Variants in HMGCS2 observed in about 807,000 individuals in gnomAD.
HMGCS2 encodes hydroxymethylglutaryl-CoA synthase, mitochondrial.
HMGCS2 carries 50 observed loss-of-function variants against 57.4 expected under a neutral mutation model. The observed-to-expected ratio is 0.87, with a 90% CI of 0.69 to 1.10. The LOEUF is 1.10. HMGCS2 is among the 50% of genes least tolerant of loss of function. The probability of loss-of-function intolerance (pLI) is 0.00; values close to 1 mark genes in which losing one functional copy is unlikely to be tolerated. For synonymous variants in HMGCS2, 254 were observed against 245.1 expected, an observed-to-expected ratio of 1.04 and a Z score of -0.34; for missense variants, 627 against 636.5, an observed-to-expected ratio of 0.99 and a Z score of 0.16.
chr1:119,755,598 CT>C lies in HMGCS2; in HGVS notation c.1017-2del, dbSNP rs1553240165. The C allele has an allele frequency of 1.2e-6, 2 of 1,614,014 alleles. No individual in the cohort carries two copies. Among genetic ancestry groups the C allele is most frequent in the Non-Finnish European group, 1.7e-6 (2 of 1,179,972 alleles). The stretch of plus-strand genomic sequence containing the variant: ...GTAGGTGTCTTCCAGCTTTAGCCCC[CT>C]GTGAGGTAGCCAGAGGTAGCCATGT... On this transcript the variant is annotated splice_acceptor_variant, in intron 5 of 9. Transcript: ENST00000369406. LOFTEE classifies it high-confidence loss of function.
chr1:119,755,358 A>G (rs1398791429), intron 6 of HMGCS2, 69 bp downstream of exon 6: 6 of 1,471,164 alleles, frequency 4.1e-6, no homozygotes, highest in Non-Finnish European at 5.7e-6. Flanking sequence ...AACTTTGTTG[A>G]CCCTGCAGCC....
chr1:119,749,806 A>G (rs1652590826), intron 9 of HMGCS2, among the ~76,000 whole-genome samples: 1 of 151,900 alleles, frequency 6.6e-6, no homozygotes, highest in Non-Finnish European at 1.5e-5. Flanking sequence ...TTCCCTCTCC[A>G]TCTACCAAAA....
intron 5 of HMGCS2, among the ~76,000 whole-genome samples, chr1:119,755,897 G>GTATA (rs201606276): frequency 5.0e-5 from 1 of 20,004 alleles, no homozygotes; most frequent in Non-Finnish European, 1.3e-4. Flanking sequence ...GTGTGTGTGT[G>GTATA]TATATATATA....
At chr1:119,767,921 T>G (rs1653290588) in intron 1 of HMGCS2, among the ~76,000 whole-genome samples, 1 of 152,228 alleles carries the variant, frequency 6.6e-6, no homozygotes, top group Non-Finnish European at 1.5e-5. Context: ...GAAAGCTATG[T>G]GCATTTGCCT....
At chr1:119,761,800 CT>C (rs1285944579) in intron 2 of HMGCS2, among the ~76,000 whole-genome samples, 1 of 151,580 alleles carries the variant, frequency 6.6e-6, no homozygotes, top group Non-Finnish European at 1.5e-5. Context: ...AAAAGGCAAG[CT>C]ATATAATAAA....
chr1:119,767,287 G>C (rs1653263008), intron 1 of HMGCS2, among the ~76,000 whole-genome samples: 1 of 152,164 alleles, frequency 6.6e-6, no homozygotes, highest in African/African-American at 2.4e-5. Context: ...GATTTCAGTG[G>C]GTTGGAGGAT....
Position 119,757,343 on chromosome 1 carries a change from T to C in HMGCS2, c.946A>G (p.Met316Val), listed in dbSNP as rs587664208. 2.5e-6 allele frequency: 4 copies of C among 1,614,148 alleles called. No homozygotes were observed. In the East Asian group the frequency reaches 8.9e-5, roughly 36 times the overall value. Residue 316 changes from methionine to valine, a missense_variant, in exon 5 of 10, where the codon ATG becomes GTG. Met to Val is a conservative substitution (Grantham distance 21). Transcript: ENST00000369406. ...CTGGCTGACAGGAAGTCATTGAACA[T>C]CAGGCGAGCCAGAGACTTCTGGACC... ...KMVQKSLARL[M>V]FNDFLSASSD...
At chr1:119,756,510 A>G (rs1419282259) in intron 5 of HMGCS2, among the ~76,000 whole-genome samples, 1 of 152,202 alleles carries the variant, frequency 6.6e-6, no homozygotes, top group East Asian at 1.9e-4. Flanking sequence ...AACAGGGGCT[A>G]CACTTGGTAG....
At chr1:119,766,849 G>T (rs920947672) in intron 1 of HMGCS2, among the ~76,000 whole-genome samples, 3 of 152,106 alleles carry the variant, frequency 2.0e-5, no homozygotes, top group African/African-American at 7.2e-5. Context: ...TCTAGAAATG[G>T]ATTATAAAGC....
At position 119,750,800 on chromosome 1, in the gene HMGCS2, C is replaced by T. The variant is rs1186406205; in HGVS notation, c.*2G>A. ...AACTCTGCAAACTCTCACTCACCAC[C>T]TTTAGACGGGACGCCGGGCATACTT... On this transcript the variant is annotated 3_prime_UTR_variant, in exon 9 of 10. Transcript: ENST00000369406. 1 of 1,609,706 alleles carries T rather than the reference C, an allele frequency of 6.2e-7. No individual in the cohort carries two copies. The highest frequency in any genetic ancestry group is 8.5e-7 in the Non-Finnish European group (1 of 1,176,088).
rs749637124 is a variant in HMGCS2, at chr1:119,759,956, G to A, written c.593C>T (p.Ala198Val). The A allele has an allele frequency of 3.1e-6, 5 of 1,613,964 alleles. No individual in the cohort carries two copies. The highest frequency in any genetic ancestry group is 4.2e-6 in the Non-Finnish European group (5 of 1,179,836). Residue 198 changes from alanine to valine, a missense_variant, in exon 3 of 10, where the codon GCC (alanine) becomes GTC (valine). By Grantham distance (64) the Ala-to-Val change is moderately conservative. Transcript: ENST00000369406. The part of the protein sequence containing the change: ...RYAMVVCGDI[A>V]VYPSGNARPT... ...ACGAGCATTACCACTGGGATAGACG[G>A]CAATGTCTCCACAGACCACCATGGC... is the stretch of plus-strand genomic sequence containing the variant.
At chr1:119,761,147 A>T (rs955061678) in intron 2 of HMGCS2, among the ~76,000 whole-genome samples, 1 of 148,014 alleles carries the variant, frequency 6.8e-6, no homozygotes, top group Non-Finnish European at 1.5e-5. Flanking sequence ...TATTTAGTAT[A>T]TATAAATATA....
At chr1:119,765,825 G>A (rs989262386) in intron 1 of HMGCS2, among the ~76,000 whole-genome samples, 1 of 152,154 alleles carries the variant, frequency 6.6e-6, no homozygotes, top group African/African-American at 2.4e-5. Context: ...TCTGCTAGCT[G>A]ATTTTTCTGA....
intron 5 of HMGCS2, among the ~76,000 whole-genome samples, chr1:119,756,967 A>ACTCTCTTTCTCCGTTC (rs1652860844): frequency 6.6e-6 from 1 of 151,488 alleles, no homozygotes; most frequent in Admixed American, 6.6e-5. Flanking sequence ...TGATTTAGCT[A>ACTCTCTTTCTCCGTTC]CTCTCTTTCT....
In HMGCS2 at chr1:119,759,149, G is replaced by T; in HGVS notation, c.819C>A (p.Tyr273Ter). 6.2e-7 allele frequency: 1 copy of T among 1,614,134 alleles called. No individual in the cohort carries two copies. The highest frequency in any genetic ancestry group is 8.5e-7 in the Non-Finnish European group (1 of 1,180,030). ...TCCACTGATTCTGGATTTTTTTACG[G>T]TATGATGTGTAACATCGATCCAAGG... ...LRALDRCYTS[Y>*]RKKIQNQWKQ... The change falls in exon 4 of 10, where the codon TAC becomes TAA. Residue 273 changes from tyrosine to a stop codon, truncating the protein, a stop_gained. Coordinates refer to ENST00000369406, the MANE Select transcript of HMGCS2 (RefSeq NM_005518.4). LOFTEE classifies it high-confidence loss of function.
Position 119,755,550 on chromosome 1 carries a change from G to T in HMGCS2, c.1064C>A (p.Ala355Glu). ...CATGTCCTGAGAGGCCTTTAGAAGT[G>T]CTTTATCCAGGTCCTTGTTGGTGTA... ...DTYTNKDLDK[A>E]LLKASQDMFD... The change falls in exon 6 of 10, where the codon GCA becomes GAA. Residue 355 changes from alanine (A) to glutamate (E), a missense_variant. By Grantham distance (107) the Ala-to-Glu change is moderately radical. Transcript: ENST00000369406. The T allele has an allele frequency of 3.1e-6, 5 of 1,614,138 alleles. No homozygotes were observed. Among genetic ancestry groups the T allele is most frequent in the Non-Finnish European group, 4.2e-6 (5 of 1,180,020 alleles).
At chr1:119,751,514 C>T (rs993697802) in intron 8 of HMGCS2, among the ~76,000 whole-genome samples, 26 of 151,652 alleles carry the variant, frequency 1.7e-4, no homozygotes, top group Admixed American at 3.9e-4. Context: ...AGGTGTGTGC[C>T]ACCACACTCG....
At chr1:119,759,333 G>A (rs780026840) in intron 3 of HMGCS2, 51 bp from the exon 4 acceptor site, 27 of 1,558,822 alleles carry the variant, frequency 1.7e-5, no homozygotes, top group East Asian at 1.6e-4. Flanking sequence ...AGCCTACCTT[G>A]AGCACAAAAG....
chr1:119,761,359 T>C (rs1318812666), intron 2 of HMGCS2, among the ~76,000 whole-genome samples: 1 of 151,956 alleles, frequency 6.6e-6, no homozygotes. Flanking sequence ...TTTGATTATC[T>C]AAAAATCAAA....
Sources: allele counts gnomAD v4.1 joint callset (sites outside exome capture counted in the v4.1 genomes callset), GRCh38; gene constraint gnomAD v4.1.1; transcripts MANE v1.5; gene names NCBI Gene and HGNC (gene_info 2026-07-23, HGNC 2026-07-21).